Variants in CDK6 observed in about 807,000 individuals in gnomAD.
The protein encoded by CDK6 is cyclin dependent kinase 6, also known as cyclin-dependent kinase 6.
Under a neutral mutation model 37.1 loss-of-function variants are expected in CDK6, and 6 were observed. The ratio of observed to expected loss-of-function variants is 0.16; its 90% CI spans 0.09 to 0.32. The LOEUF (loss-of-function observed/expected upper bound fraction) is 0.32. Ranked by LOEUF, CDK6 falls within the 10% of genes least tolerant of loss-of-function variation. CDK6 has a pLI of 1.00. For synonymous variants in CDK6, 160 were observed against 161.3 expected (o/e 0.99, Z 0.06); for missense variants, 224 against 418.9 (o/e 0.53, Z 4.06).
intron 3 of CDK6, among the ~76,000 whole-genome samples, chr7:92,750,664 G>A (rs1294587477): frequency 6.6e-6 from 1 of 152,174 alleles, no homozygotes; most frequent in East Asian, 1.9e-4. Context: ...CAATGTGGAA[G>A]GCAAACCTTT....
At chr7:92,723,079 G>A (rs1427616732) in intron 4 of CDK6, among the ~76,000 whole-genome samples, 1 of 152,196 alleles carries the variant, frequency 6.6e-6, no homozygotes, top group African/African-American at 2.4e-5. Context: ...GGGAGGCTGA[G>A]ACACGAGAAT....
At chr7:92,719,775 G>C (rs1482804654) in intron 4 of CDK6, among the ~76,000 whole-genome samples, 1 of 152,040 alleles carries the variant, frequency 6.6e-6, no homozygotes, top group African/African-American at 2.4e-5. Flanking sequence ...CTCATTTTAG[G>C]GTACACTTCT....
At chr7:92,808,301 TCA>T (rs1800779937) in intron 2 of CDK6, among the ~76,000 whole-genome samples, 1 of 152,176 alleles carries the variant, frequency 6.6e-6, no homozygotes. Context: ...CTCCCAATTC[TCA>T]GATTTCTATA....
At chr7:92,756,748 A>G (rs1289753863) in intron 3 of CDK6, among the ~76,000 whole-genome samples, 1 of 152,196 alleles carries the variant, frequency 6.6e-6, no homozygotes, top group Non-Finnish European at 1.5e-5. Flanking sequence ...TGTTAAAGGG[A>G]CAGGCAATCT....
At position 92,834,870 on chromosome 7, in the gene CDK6, A is replaced by G. The variant is rs1243275301; in HGVS notation, c.-367-1180T>C. On this transcript the variant is annotated intron_variant, in intron 1 of 7. Coordinates refer to ENST00000424848, the MANE Select transcript of CDK6 (RefSeq NM_001145306.2). This position sits in a 1 kb window ranked among gnomAD's most constrained non-coding sequence, Gnocchi z 4.6. ...GCCGGACGCCCCCGGAGCCCTCTGC[A>G]CAACAAAGCGCCAGAGTAGGGTACC... is the stretch of plus-strand genomic sequence containing the variant. Among the ~76,000 whole-genome samples, 2 of 152,042 alleles carry G rather than the reference A, an allele frequency of 1.3e-5. No individual in the cohort carries two copies. Among genetic ancestry groups the G allele is most frequent in the Non-Finnish European group, 2.9e-5 (2 of 67,982 alleles).
intron 4 of CDK6, among the ~76,000 whole-genome samples, chr7:92,712,219 AC>A (rs918247862): frequency 3.5e-4 from 53 of 152,100 alleles, no homozygotes; most frequent in African/African-American, 1.1e-3. Flanking sequence ...TACAAATGCT[AC>A]AAAGGGAATG....
intron 5 of CDK6, among the ~76,000 whole-genome samples, chr7:92,650,404 T>C (rs892382143): frequency 3.3e-5 from 5 of 152,192 alleles, no homozygotes; most frequent in African/African-American, 1.2e-4. Context: ...TTATTGTTTA[T>C]TCCACGATCT....
chr7:92,710,194 T>A (rs1416326615), intron 4 of CDK6, among the ~76,000 whole-genome samples: 3 of 152,224 alleles, frequency 2.0e-5, no homozygotes, highest in Non-Finnish European at 4.4e-5. Context: ...AATATGCTTA[T>A]CTACAGACTG....
In CDK6 at chr7:92,833,395, C is replaced by A; in HGVS notation, c.-72G>T. On this transcript the variant is annotated 5_prime_UTR_variant, in exon 2 of 8. Transcript: ENST00000424848. This position sits in a 1 kb window ranked among gnomAD's most constrained non-coding sequence, Gnocchi z 6.1. ...GTGCGCTCAACTAGCTGGCGGCCGCCGCTCGCCTACTCCGGGGCTCCCCGG... is the reference window on the plus strand; with the variant it reads ...GTGCGCTCAACTAGCTGGCGGCCGCAGCTCGCCTACTCCGGGGCTCCCCGG... The A allele has an allele frequency of 9.5e-7, 1 of 1,057,860 alleles. No homozygotes were observed. Among genetic ancestry groups the A allele is most frequent in the Non-Finnish European group, 1.3e-6 (1 of 747,096 alleles). The allele number at this position is 1,057,860 out of a possible 1,614,324, so 65.5% of individuals were successfully genotyped here. A position where few individuals can be genotyped will look rare whatever the true frequency, so the allele number is the denominator to read the frequency against.
At chr7:92,699,981 A>G (rs1370735826) in intron 4 of CDK6, among the ~76,000 whole-genome samples, 1 of 152,236 alleles carries the variant, frequency 6.6e-6, no homozygotes, top group East Asian at 1.9e-4. Flanking sequence ...TAAGGTACAT[A>G]AAGTACTCTG....
intron 4 of CDK6, among the ~76,000 whole-genome samples, chr7:92,683,541 G>A (rs906836876): frequency 2.0e-5 from 3 of 152,226 alleles, no homozygotes; most frequent in Non-Finnish European, 4.4e-5. Flanking sequence ...GGTGGAAGCA[G>A]TCATGAAGGT....
intron 5 of CDK6, among the ~76,000 whole-genome samples, chr7:92,666,378 A>G (rs1316836364): frequency 3.9e-5 from 6 of 152,222 alleles, no homozygotes; most frequent in Non-Finnish European, 8.8e-5. Context: ...CAGTCACTCC[A>G]TAAGTTAATT....
At chr7:92,712,669 G>A (rs1408356255) in intron 4 of CDK6, among the ~76,000 whole-genome samples, 1 of 152,190 alleles carries the variant, frequency 6.6e-6, no homozygotes, top group African/African-American at 2.4e-5. Flanking sequence ...TAAAATTGCT[G>A]AGGTCACTCT....
intron 2 of CDK6, among the ~76,000 whole-genome samples, chr7:92,807,840 A>G (rs1314642227): frequency 1.3e-5 from 2 of 152,290 alleles, no homozygotes; most frequent in East Asian, 3.9e-4. Context: ...TCTAGTAGCA[A>G]GCATAGGCAT....
chr7:92,806,760 C>T (rs556221895), intron 2 of CDK6, among the ~76,000 whole-genome samples: 3 of 152,292 alleles, frequency 2.0e-5, no homozygotes, highest in East Asian at 3.9e-4. Context: ...CTCCTTTGTT[C>T]ACTCTGACAT....
Position 92,775,558 on chromosome 7 carries a change from T to A in CDK6, c.234-727A>T, listed in dbSNP as rs149557429. On this transcript the variant is annotated intron_variant, in intron 2 of 7. Coordinates refer to ENST00000424848, the MANE Select transcript of CDK6 (RefSeq NM_001145306.2). The stretch of plus-strand genomic sequence containing the variant: ...GTGAATCCAGTTTCTTCCATAAAAA[T>A]CTTAAAATAAGACAAAATTTAAGTT... Among the ~76,000 whole-genome samples the A allele has an allele frequency of 3.9e-5, 6 of 152,250 alleles. No homozygotes were observed. In the East Asian group the frequency reaches 1.2e-3, roughly 29 times the overall value.
chr7:92,809,176 A>G (rs13438182), intron 2 of CDK6, among the ~76,000 whole-genome samples: 10,651 of 152,248 alleles, frequency 0.07, 419 homozygotes, highest in African/African-American at 0.11. Context: ...AAATTGTTTC[A>G]TAAATTGTAA....
At chr7:92,650,066 G>T (rs571457191) in intron 5 of CDK6, among the ~76,000 whole-genome samples, 9 of 152,266 alleles carry the variant, frequency 5.9e-5, no homozygotes, top group Non-Finnish European at 7.4e-5. Context: ...TCACCAATTT[G>T]TTACTATATG....
chr7:92,698,700 C>T (rs549655591), intron 4 of CDK6, among the ~76,000 whole-genome samples: 40 of 152,314 alleles, frequency 2.6e-4, no homozygotes, highest in Non-Finnish European at 4.7e-4. Flanking sequence ...TTCATCTGGA[C>T]GGTCTGTGCA....
Sources: gnomAD v4.1 joint callset for allele counts (sites outside exome capture counted in the v4.1 genomes callset) on GRCh38, gnomAD v4.1.1 for gene constraint, Gnocchi (gnomAD v3.1) non-coding constraint, MANE v1.5 for transcripts, NCBI Gene and HGNC (gene_info 2026-07-23, HGNC 2026-07-21) for gene names.